Variants in WWOX observed in about 807,000 individuals in gnomAD.
WWOX encodes WW domain containing oxidoreductase.
Under a neutral mutation model 46.2 loss-of-function variants are expected in WWOX, and 69 were observed. That is an observed-to-expected ratio of 1.49 (90% CI 1.23 to 1.82). The LOEUF (loss-of-function observed/expected upper bound fraction) is 1.82. WWOX is among the 40% of genes most tolerant of loss of function. WWOX has a pLI of 0.00. For missense variants in WWOX, 919 were observed against 542.6 expected (o/e 1.69, Z -6.89); for synonymous variants, 359 against 202.6 (o/e 1.77, Z -6.56).
intron 5 of WWOX, among the ~76,000 whole-genome samples, chr16:78,317,777 TC>T (rs2080385522): frequency 6.6e-6 from 1 of 152,038 alleles, no homozygotes; most frequent in Admixed American, 6.6e-5. Flanking sequence ...AGCATTTTAT[TC>T]CCCCAACAGT....
At chr16:78,656,407 G>T (rs2142158270) in intron 8 of WWOX, among the ~76,000 whole-genome samples, 1 of 152,266 alleles carries the variant, frequency 6.6e-6, no homozygotes, top group South Asian at 2.1e-4. Flanking sequence ...AGGTTTAATT[G>T]GCTCATGGTT....
intron 8 of WWOX, among the ~76,000 whole-genome samples, chr16:79,193,661 G>A (rs1035859359): frequency 5.9e-5 from 9 of 152,092 alleles, no homozygotes; most frequent in African/African-American, 2.2e-4. Flanking sequence ...TCTTACTGCC[G>A]GTCACCTAGC....
chr16:78,446,206 A>T (rs2083557600), intron 8 of WWOX, among the ~76,000 whole-genome samples: 1 of 152,260 alleles, frequency 6.6e-6, no homozygotes, highest in African/African-American at 2.4e-5. Context: ...TACATACATC[A>T]TACTTGAGAC....
chr16:78,165,627 G>T (rs2034945010), intron 5 of WWOX, among the ~76,000 whole-genome samples: 2 of 152,088 alleles, frequency 1.3e-5, no homozygotes, highest in Non-Finnish European at 2.9e-5. Context: ...AGCCTGAAGG[G>T]GGCTGGGTAC....
At chr16:79,011,890 G>T (rs373887130) in intron 8 of WWOX, among the ~76,000 whole-genome samples, 3 of 152,284 alleles carry the variant, frequency 2.0e-5, no homozygotes, top group East Asian at 3.9e-4. Context: ...ATGGCCTCCA[G>T]TGATCCTCCC....
chr16:78,753,019 G>T (rs1234935409), intron 8 of WWOX, among the ~76,000 whole-genome samples: 1 of 152,196 alleles, frequency 6.6e-6, no homozygotes, highest in Non-Finnish European at 1.5e-5. Flanking sequence ...TTAGGGCTGG[G>T]CACGGTAGCT....
chr16:78,707,688 G>C (rs2048352782), intron 8 of WWOX, among the ~76,000 whole-genome samples: 1 of 152,006 alleles, frequency 6.6e-6, no homozygotes, highest in Non-Finnish European at 1.5e-5. Flanking sequence ...TTCAGGACTA[G>C]CCTGGCCAAC....
chr16:78,804,531 T>C (rs2050977513), intron 8 of WWOX, among the ~76,000 whole-genome samples: 1 of 152,202 alleles, frequency 6.6e-6, no homozygotes, highest in Non-Finnish European at 1.5e-5. Context: ...TGCGTGTGGC[T>C]CTCATTTGGA....
intron 8 of WWOX, among the ~76,000 whole-genome samples, chr16:78,771,966 TC>T (rs1246039240): frequency 6.6e-6 from 1 of 152,178 alleles, no homozygotes; most frequent in Non-Finnish European, 1.5e-5. Flanking sequence ...TACTTCCCTC[TC>T]AGTGTATTTT....
At chr16:78,906,478 G>A (rs549425985) in intron 8 of WWOX, among the ~76,000 whole-genome samples, 1 of 151,978 alleles carries the variant, frequency 6.6e-6, no homozygotes, top group Non-Finnish European at 1.5e-5. Flanking sequence ...GGAGTTTTCT[G>A]TCTTTGTCCC....
chr16:78,848,245 C>T (rs1197624503), intron 8 of WWOX, among the ~76,000 whole-genome samples: 1 of 152,206 alleles, frequency 6.6e-6, no homozygotes, highest in African/African-American at 2.4e-5. Context: ...TAACTTTGTA[C>T]ACCGTGGGCT....
Position 78,477,605 on chromosome 16 carries a change from T to A in WWOX, c.1056+44853T>A, listed in dbSNP as rs186047301. ...AATTTCCAGGGGAGAATTTCTAATG[T>A]GAGATTTTATTTTTTTTCAATTTGA... On this transcript the variant is annotated intron_variant, in intron 8 of 8. Coordinates refer to ENST00000566780, the MANE Select transcript of WWOX (RefSeq NM_016373.4). Among the ~76,000 whole-genome samples, 18 of 151,176 alleles carry A rather than the reference T, an allele frequency of 1.2e-4. 1 individual carries two copies. The highest frequency in any genetic ancestry group is 3.9e-4 in the African/African-American group (16 of 40,544).
chr16:79,192,059 C>A (rs930881093), intron 8 of WWOX, among the ~76,000 whole-genome samples: 2 of 152,196 alleles, frequency 1.3e-5, no homozygotes, highest in African/African-American at 4.8e-5. Context: ...TTTTCTTCTC[C>A]TCAAGATAAG....
At chr16:79,084,211 T>G (rs1012367617) in intron 8 of WWOX, among the ~76,000 whole-genome samples, 1 of 152,138 alleles carries the variant, frequency 6.6e-6, no homozygotes, top group Admixed American at 6.5e-5. Context: ...ATGTGCATAT[T>G]TGCAAATGCA....
chr16:78,534,458 C>T (rs2043707963), intron 8 of WWOX: 1 of 152,136 alleles, frequency 6.6e-6, no homozygotes, highest in Non-Finnish European at 1.5e-5. Flanking sequence ...TCCCTGGAAA[C>T]TCAATTTTGA....
chr16:78,304,377 G>C (rs2151869201), intron 5 of WWOX, among the ~76,000 whole-genome samples: 1 of 152,280 alleles, frequency 6.6e-6, no homozygotes, highest in South Asian at 2.1e-4. Flanking sequence ...GTGGAGGTTT[G>C]GTTTCCCCAC....
At chr16:78,364,512 T>G (rs867148128) in intron 5 of WWOX, among the ~76,000 whole-genome samples, 2 of 152,068 alleles carry the variant, frequency 1.3e-5, no homozygotes, top group Non-Finnish European at 2.9e-5. Flanking sequence ...TATATAATTT[T>G]GTTTTCTCCC....
At chr16:78,404,272 T>C (rs1597175050) in intron 6 of WWOX, among the ~76,000 whole-genome samples, 1 of 152,222 alleles carries the variant, frequency 6.6e-6, no homozygotes, top group South Asian at 2.1e-4. Context: ...TCACCAGTGG[T>C]ATCTTATTAT....
At chr16:78,540,742 A>C (rs1038314275) in intron 8 of WWOX, among the ~76,000 whole-genome samples, 2 of 152,070 alleles carry the variant, frequency 1.3e-5, no homozygotes, top group African/African-American at 4.8e-5. Context: ...GCTGCAGTGC[A>C]GTGACATGAT....
Sources: gnomAD v4.1 joint callset for allele counts (sites outside exome capture counted in the v4.1 genomes callset) on GRCh38, gnomAD v4.1.1 for gene constraint, MANE v1.5 for transcripts, NCBI Gene and HGNC (gene_info 2026-07-23, HGNC 2026-07-21) for gene names.